Variants in PITRM1 observed in about 807,000 individuals in gnomAD.
PITRM1 encodes the protein pitrilysin metallopeptidase 1, also known as presequence protease, mitochondrial.
Under a neutral mutation model 129.9 loss-of-function variants are expected in PITRM1, and 100 were observed. The ratio of observed to expected loss-of-function variants is 0.77; its 90% CI spans 0.65 to 0.91. The LOEUF is 0.91. Ranked by LOEUF, PITRM1 falls within the 40% of genes least tolerant of loss-of-function variation. The pLI, the probability that PITRM1 is intolerant of heterozygous loss-of-function variation, is 0.00. For missense variants in PITRM1, 1,471 were observed against 1,318.3 expected, an observed-to-expected ratio of 1.12 and a Z score of -1.79; for synonymous variants, 591 against 508.8, an observed-to-expected ratio of 1.16 and a Z score of -2.17.
chr10:3,160,006 A>G (rs1842315961), intron 8 of PITRM1, 70 bp from the exon 9 acceptor site: 3 of 1,266,242 alleles, frequency 2.4e-6, no homozygotes, highest in Non-Finnish European at 3.4e-6. Context: ...GGTTATCTGG[A>G]TACACGAAAT....
chr10:3,150,734 G>A (rs924355768), intron 15 of PITRM1, among the ~76,000 whole-genome samples: 1 of 152,180 alleles, frequency 6.6e-6, no homozygotes, highest in Non-Finnish European at 1.5e-5. Flanking sequence ...GGAACAAAAG[G>A]TGCCATGGAA....
At chr10:3,172,602 T>C (rs1843483075) in intron 1 of PITRM1, 115 bp downstream of exon 1, 2 of 976,620 alleles carry the variant, frequency 2.0e-6, no homozygotes, top group South Asian at 1.8e-5. Flanking sequence ...CGCCCACAGC[T>C]TGGGGAGCTG....
Position 3,165,298 on chromosome 10 carries a change from G to A in PITRM1, c.570C>T (p.Ser190=), listed in dbSNP as rs768970533. ...EGWRLEHENP[S]DPQTPLVFKG... Reference sequence around the variant, plus strand: ...TAAAGACCAAGGGCGTCTGGGGGTCGCTCGGATTCTCATGTTCCAGCCGCC... The same window carrying A: ...TAAAGACCAAGGGCGTCTGGGGGTCACTCGGATTCTCATGTTCCAGCCGCC... Residue 190 remains serine, a synonymous_variant, in exon 6 of 27, where the codon AGC becomes AGT. Coordinates refer to ENST00000224949, the MANE Select transcript of PITRM1 (RefSeq NM_014889.4). 1.0e-5 allele frequency: 16 copies of A among 1,588,596 alleles called. No homozygotes were observed. Among genetic ancestry groups the A allele is most frequent in the South Asian group, 3.5e-5 (3 of 86,726 alleles).
At chr10:3,156,020 A>G (rs1841954214) in intron 13 of PITRM1, among the ~76,000 whole-genome samples, 1 of 152,224 alleles carries the variant, frequency 6.6e-6, no homozygotes, top group Non-Finnish European at 1.5e-5. Flanking sequence ...TCAATACTAA[A>G]CATTTTCATT....
At chr10:3,164,422 T>G (rs1842700608) in intron 6 of PITRM1, 1 of 152,294 alleles carries the variant, frequency 6.6e-6, no homozygotes. Context: ...ACAGCAGCTC[T>G]TAATCCAAAA....
chr10:3,154,907 C>T (rs1055656741), intron 14 of PITRM1, among the ~76,000 whole-genome samples: 2 of 152,156 alleles, frequency 1.3e-5, no homozygotes, highest in African/African-American at 2.4e-5. Context: ...TGGCCTAGGT[C>T]GTCATGTCAT....
intron 23 of PITRM1, among the ~76,000 whole-genome samples, chr10:3,142,543 C>T (rs7924163): frequency 0.15 from 22,657 of 152,270 alleles, 1,752 homozygotes; most frequent in Non-Finnish European, 0.17. Flanking sequence ...CAAAGGTGCA[C>T]GTCTGTGAGT....
In PITRM1 at chr10:3,149,736, G is replaced by A. The variant is rs372364681; in HGVS notation, c.1756C>T (p.Gln586Ter). 6 of 1,613,558 alleles carry A rather than the reference G, an allele frequency of 3.7e-6. No individual in the cohort carries two copies. In the South Asian group the frequency reaches 6.6e-5, roughly 18 times the overall value. Residue 586 changes from glutamine (Q) to a stop codon, truncating the protein, a stop_gained, in exon 16 of 27, where the codon CAG becomes TAG. Coordinates refer to ENST00000224949, the MANE Select transcript of PITRM1 (RefSeq NM_014889.4). LOFTEE classifies it high-confidence loss of function. ...CCATTGGTGGGCTGGGCGCAGTACT[G>A]AACAGGGATATCTCCAGCTAGAAAA... The part of the protein sequence containing the change: ...VVLTAGDIPV[Q>*]YCAQPTNGMV...
intron 7 of PITRM1, among the ~76,000 whole-genome samples, chr10:3,162,178 A>G (rs1460888050): frequency 1.3e-5 from 2 of 148,970 alleles, no homozygotes; most frequent in South Asian, 4.2e-4. Flanking sequence ...AAAAAAAAAA[A>G]ACAAGACAGC....
At chr10:3,154,956 C>T (rs1841853029) in intron 14 of PITRM1, among the ~76,000 whole-genome samples, 1 of 152,192 alleles carries the variant, frequency 6.6e-6, no homozygotes, top group Non-Finnish European at 1.5e-5. Flanking sequence ...TTTTCTCCAT[C>T]CAATTTCTCT....
intron 9 of PITRM1, among the ~76,000 whole-genome samples, chr10:3,159,268 G>A (rs1446339170): frequency 6.6e-6 from 1 of 152,202 alleles, no homozygotes; most frequent in Non-Finnish European, 1.5e-5. Flanking sequence ...TGCTCACCAT[G>A]GGACAGCCTG....
intron 24 of PITRM1, 116 bp from the exon 25 acceptor site, chr10:3,139,165 T>C (rs1839930403): frequency 1.2e-6 from 1 of 857,002 alleles, no homozygotes; most frequent in South Asian, 1.6e-5. Flanking sequence ...CTATTTTATA[T>C]CTGATTTAGT....
intron 1 of PITRM1, among the ~76,000 whole-genome samples, chr10:3,170,414 A>G (rs968890276): frequency 6.6e-6 from 1 of 152,192 alleles, no homozygotes; most frequent in African/African-American, 2.4e-5. Flanking sequence ...CTAAAGCTTC[A>G]ATGTTGGAAA....
intron 20 of PITRM1, chr10:3,145,922 G>C (rs1840814611): frequency 1.8e-6 from 1 of 553,616 alleles, no homozygotes; most frequent in African/African-American, 1.9e-5. Context: ...AGTTCAATGT[G>C]GCAGCTAATG....
Position 3,150,534 on chromosome 10 carries a change from T to C in PITRM1, c.1738+713A>G, listed in dbSNP as rs570409990. ...TGAAATCCCATCCCCGTCCTCAAGGTGCAAGTGAGAGCCATGCTGCCCTCA... is the reference window on the plus strand; with the variant it reads ...TGAAATCCCATCCCCGTCCTCAAGGCGCAAGTGAGAGCCATGCTGCCCTCA... On this transcript the variant is annotated intron_variant, in intron 15 of 26. Coordinates refer to ENST00000224949, the MANE Select transcript of PITRM1 (RefSeq NM_014889.4). 4.9e-3 allele frequency among the ~76,000 whole-genome samples: 753 copies of C among 152,154 alleles called. 4 individuals are homozygous for C. The highest frequency in any genetic ancestry group is 8.8e-3 in the Non-Finnish European group (595 of 68,000).
intron 25 of PITRM1, chr10:3,138,637 A>G (rs1839848294): frequency 3.3e-6 from 2 of 612,174 alleles, no homozygotes; most frequent in Non-Finnish European, 2.9e-6. Context: ...GGCCGTGCCC[A>G]CGTCCTCCTT....
At chr10:3,170,642 T>C (rs1843252449) in intron 1 of PITRM1, among the ~76,000 whole-genome samples, 1 of 152,168 alleles carries the variant, frequency 6.6e-6, no homozygotes, top group South Asian at 2.1e-4. Context: ...GGAACTCTCA[T>C]ACACTGCTAC....
At position 3,160,309 on chromosome 10, in the gene PITRM1, A is replaced by G; in HGVS notation, c.813T>C (p.Phe271=). ...SNARFFTYGN[F]PLEQHLKQIH... is the part of the protein sequence containing the mutation. ...TTTGTTTCAGATGCTGTTCTAATGG[A>G]AAATTACCGTACGTGAAGAACCTAA... Residue 271 remains phenylalanine (F), a synonymous_variant, in exon 8 of 27, where the codon TTT becomes TTC. Coordinates refer to ENST00000224949, the MANE Select transcript of PITRM1 (RefSeq NM_014889.4). 6.2e-7 allele frequency: 1 copy of G among 1,612,654 alleles called. No homozygotes were observed.
chr10:3,142,309 T>C (rs552061168), intron 23 of PITRM1, among the ~76,000 whole-genome samples: 1 of 152,256 alleles, frequency 6.6e-6, no homozygotes, highest in East Asian at 1.9e-4. Flanking sequence ...CACCTCCCCA[T>C]CTGTGACCCT....
Sources: gnomAD v4.1 joint callset for allele counts (sites outside exome capture counted in the v4.1 genomes callset) on GRCh38, gnomAD v4.1.1 for gene constraint, MANE v1.5 for transcripts, NCBI Gene and HGNC (gene_info 2026-07-23, HGNC 2026-07-21) for gene names.